MYT1L: variants seen among roughly 807,000 people sequenced by gnomAD.
MYT1L encodes the protein myelin transcription factor 1-like protein.
In MYT1L, 12 loss-of-function variants were observed where a neutral mutation model predicts 126.7. The ratio of observed to expected loss-of-function variants is 0.09; its 90% CI spans 0.06 to 0.15. The LOEUF is 0.15. MYT1L is among the 10% of genes least tolerant of loss of function. The pLI is 1.00. For synonymous variants in MYT1L, 541 were observed against 604.2 expected (o/e 0.90, Z 1.53); for missense variants, 979 against 1,585.2 (o/e 0.62, Z 6.49).
intron 3 of MYT1L, among the ~76,000 whole-genome samples, chr2:2,115,895 A>G (rs1361701444): frequency 1.3e-5 from 2 of 150,634 alleles, no homozygotes; most frequent in East Asian, 3.9e-4. Context: ...CACCACGTCC[A>G]GTCGATGAAA....
chr2:2,053,044 A>G (rs1344046281), intron 4 of MYT1L, among the ~76,000 whole-genome samples: 1 of 152,228 alleles, frequency 6.6e-6, no homozygotes, highest in Non-Finnish European at 1.5e-5. Context: ...ACACGTGTCC[A>G]CTGACAGATG....
intron 11 of MYT1L, among the ~76,000 whole-genome samples, chr2:1,914,071 T>C (rs780261555): frequency 6.6e-6 from 1 of 151,990 alleles, no homozygotes; most frequent in Non-Finnish European, 1.5e-5. Context: ...CTCACCAATA[T>C]GGTGAAACCC....
At chr2:2,206,068 C>A (rs754388521) in intron 2 of MYT1L, among the ~76,000 whole-genome samples, 1 of 151,820 alleles carries the variant, frequency 6.6e-6, no homozygotes, top group Non-Finnish European at 1.5e-5. Flanking sequence ...CTGCAGCCTC[C>A]ACCTCCCAGG....
chr2:1,960,478 T>G (rs1391528630), intron 8 of MYT1L, among the ~76,000 whole-genome samples: 1 of 152,238 alleles, frequency 6.6e-6, no homozygotes. Flanking sequence ...GTCCAAGCCA[T>G]TTATTAAATT....
intron 21 of MYT1L, among the ~76,000 whole-genome samples, chr2:1,813,978 G>C (rs1191108625): frequency 7.6e-6 from 1 of 132,416 alleles, no homozygotes; most frequent in Non-Finnish European, 1.6e-5. Context: ...AGTGAGCCGA[G>C]ATCGCGCCAC....
At chr2:1,837,371 A>G (rs80058910) in intron 21 of MYT1L, among the ~76,000 whole-genome samples, 14,537 of 152,208 alleles carry the variant, frequency 0.096, 1,280 homozygotes, top group African/African-American at 0.23. Flanking sequence ...GAAACATACA[A>G]ACCCTTACTC....
chr2:1,865,926 A>G (rs2045401591), intron 18 of MYT1L, among the ~76,000 whole-genome samples: 1 of 152,236 alleles, frequency 6.6e-6, no homozygotes, highest in Admixed American at 6.5e-5. Flanking sequence ...CAGATGAAAT[A>G]GGCACAGGCA....
At chr2:2,039,768 C>G (rs1014923962) in intron 4 of MYT1L, among the ~76,000 whole-genome samples, 3 of 152,166 alleles carry the variant, frequency 2.0e-5, no homozygotes, top group Non-Finnish European at 2.9e-5. Flanking sequence ...CTCATGCTTC[C>G]TCCATTTAAA....
At chr2:2,188,142 A>G (rs2092339500) in intron 2 of MYT1L, among the ~76,000 whole-genome samples, 2 of 152,298 alleles carry the variant, frequency 1.3e-5, no homozygotes, top group South Asian at 2.1e-4. Context: ...AAATGCATGC[A>G]CACACACATA....
At chr2:2,210,072 T>C (rs2093449841) in intron 2 of MYT1L, among the ~76,000 whole-genome samples, 1 of 152,224 alleles carries the variant, frequency 6.6e-6, no homozygotes, top group Non-Finnish European at 1.5e-5. Flanking sequence ...TAATCCTGCT[T>C]GCCATTTGTG....
chr2:2,051,839 A>G (rs2068864057), intron 4 of MYT1L, among the ~76,000 whole-genome samples: 2 of 152,224 alleles, frequency 1.3e-5, no homozygotes, highest in African/African-American at 4.8e-5. Context: ...TTACCAGAAA[A>G]TATAAGAAAC....
chr2:2,137,400 G>C (rs1473903398), intron 3 of MYT1L, among the ~76,000 whole-genome samples: 1 of 152,132 alleles, frequency 6.6e-6, no homozygotes, highest in Non-Finnish European at 1.5e-5. Flanking sequence ...TAAGCCAAAA[G>C]AACAAAGCTG....
rs1244006039 is a variant in MYT1L at position 2,192,972 on chromosome 2, T to C, written c.-420-19984A>G. ...ACTCCCTGGCTCTTCAGGTTTTGTT[T>C]TTTTTCTTAAGACAGAGTCTCACTC... On this transcript the variant is annotated intron_variant, in intron 2 of 24. Transcript: ENST00000647738. 2.0e-5 allele frequency among the ~76,000 whole-genome samples: 3 copies of C among 152,252 alleles called. No individual in the cohort carries two copies. The East Asian group carries it at 5.8e-4, about 29-fold the overall frequency.
At chr2:2,312,611 G>T (rs866394656) in intron 1 of MYT1L, among the ~76,000 whole-genome samples, 2 of 152,016 alleles carry the variant, frequency 1.3e-5, no homozygotes, top group Non-Finnish European at 2.9e-5. Flanking sequence ...AGAAAAAAAA[G>T]AATATAACAC....
At position 1,912,559 on chromosome 2, in the gene MYT1L, C is replaced by T. The variant is rs1476114195; in HGVS notation, c.1619-449G>A. Reference sequence around the variant, plus strand: ...ACACAGAGGCTGGGGATTTTAAAAACATGCCTGTGCTTTGGAAACACACAG... The same window carrying T: ...ACACAGAGGCTGGGGATTTTAAAAATATGCCTGTGCTTTGGAAACACACAG... On this transcript the variant is annotated intron_variant, in intron 11 of 24. Transcript: ENST00000647738. The surrounding 1 kb of genome is among the most constrained non-coding windows in gnomAD (Gnocchi z 4.3). Among the ~76,000 whole-genome samples, 2 of 152,194 alleles carry T rather than the reference C, an allele frequency of 1.3e-5. No individual in the cohort carries two copies. Among genetic ancestry groups the T allele is most frequent in the Non-Finnish European group, 2.9e-5 (2 of 68,028 alleles).
chr2:2,310,179 A>G (rs1169415708), intron 1 of MYT1L, among the ~76,000 whole-genome samples: 1 of 152,030 alleles, frequency 6.6e-6, no homozygotes, highest in Non-Finnish European at 1.5e-5. Flanking sequence ...AGTATACTCT[A>G]TCTATACTCC....
intron 14 of MYT1L, among the ~76,000 whole-genome samples, chr2:1,898,831 A>G (rs2049965362): frequency 6.6e-6 from 1 of 152,194 alleles, no homozygotes; most frequent in Admixed American, 6.5e-5. Flanking sequence ...GGAGCTCTGC[A>G]GGCGGGCGTG....
intron 4 of MYT1L, among the ~76,000 whole-genome samples, chr2:2,037,796 C>CA (rs923831433): frequency 2.0e-4 from 28 of 142,932 alleles, no homozygotes; most frequent in African/African-American, 5.1e-4. Context: ...CCCAAAAAAA[C>CA]AAAAAAACAA....
intron 9 of MYT1L, among the ~76,000 whole-genome samples, chr2:1,941,698 T>C (rs1412834442): frequency 6.7e-6 from 1 of 149,276 alleles, no homozygotes; most frequent in Non-Finnish European, 1.5e-5. Flanking sequence ...TATGTGTATA[T>C]ACATATCTAT....
Sources: gnomAD v4.1 joint callset for allele counts (sites outside exome capture counted in the v4.1 genomes callset) on GRCh38, gnomAD v4.1.1 for gene constraint, Gnocchi (gnomAD v3.1) non-coding constraint, MANE v1.5 for transcripts, NCBI Gene and HGNC (gene_info 2026-07-23, HGNC 2026-07-21) for gene names.